Variants in IPO11 observed in about 807,000 individuals in gnomAD.
IPO11 encodes the protein importin-11.
In IPO11, 66 loss-of-function variants were observed where a neutral mutation model predicts 143.2. That is an observed-to-expected ratio of 0.46 (90% CI 0.38 to 0.57). The LOEUF (loss-of-function observed/expected upper bound fraction) is 0.57. Among genes scored for constraint, IPO11 ranks in the 20% least tolerant of loss-of-function variants. The pLI, the probability that IPO11 is intolerant of heterozygous loss-of-function variation, is 0.00. For missense variants in IPO11, 1,026 were observed against 1,141.0 expected (o/e 0.90, Z 1.45); for synonymous variants, 385 against 377.8 (o/e 1.02, Z -0.22).
chr5:62,441,152 G>A (rs1275590118), intron 2 of IPO11, among the ~76,000 whole-genome samples: 1 of 151,972 alleles, frequency 6.6e-6, no homozygotes, highest in African/African-American at 2.4e-5. Flanking sequence ...CTTTTTTTGA[G>A]TAATGGTTAA....
At chr5:62,449,366 A>C (rs1043618937) in intron 3 of IPO11, among the ~76,000 whole-genome samples, 1 of 152,202 alleles carries the variant, frequency 6.6e-6, no homozygotes, top group Admixed American at 6.5e-5. Flanking sequence ...TTAAAATGAA[A>C]GATTTAAGCT....
At chr5:62,605,544 T>C (rs1285047060) in intron 29 of IPO11, among the ~76,000 whole-genome samples, 1 of 152,070 alleles carries the variant, frequency 6.6e-6, no homozygotes, top group East Asian at 1.9e-4. Context: ...ATTAGTAGAA[T>C]AATAATTTTA....
At chr5:62,415,137 T>G (rs1743241428) in intron 1 of IPO11, among the ~76,000 whole-genome samples, 2 of 152,200 alleles carry the variant, frequency 1.3e-5, no homozygotes, top group South Asian at 4.1e-4. Flanking sequence ...CTGCTCCTGT[T>G]TATCATGGTG....
intron 29 of IPO11, among the ~76,000 whole-genome samples, chr5:62,617,264 G>A (rs1470724943): frequency 6.6e-6 from 1 of 152,196 alleles, no homozygotes; most frequent in African/African-American, 2.4e-5. Context: ...ATGACATTTA[G>A]ATTTCAAATA....
At chr5:62,542,115 G>A (rs1742972478) in intron 24 of IPO11, among the ~76,000 whole-genome samples, 1 of 150,318 alleles carries the variant, frequency 6.7e-6, no homozygotes, top group African/African-American at 2.5e-5. Context: ...CGCTCTTGTT[G>A]CCCAGGCTGG....
At chr5:62,476,780 C>T (rs1286539935) in intron 9 of IPO11, 27 bp downstream of exon 9, 6 of 1,481,086 alleles carry the variant, frequency 4.1e-6, no homozygotes, top group Middle Eastern at 1.8e-4. Flanking sequence ...CTTGTTTTCT[C>T]AAATATAATA....
At chr5:62,503,839 T>TG (rs1402503903) in intron 16 of IPO11, among the ~76,000 whole-genome samples, 1 of 152,204 alleles carries the variant, frequency 6.6e-6, no homozygotes, top group Non-Finnish European at 1.5e-5. Flanking sequence ...AACGCTTACT[T>TG]TTTGAAAAAT....
intron 24 of IPO11, among the ~76,000 whole-genome samples, chr5:62,543,831 A>G (rs1400510229): frequency 2.6e-5 from 4 of 152,036 alleles, no homozygotes; most frequent in Admixed American, 2.0e-4. Context: ...TTAGTGCTAT[A>G]AATTTCTGTC....
intron 15 of IPO11, among the ~76,000 whole-genome samples, chr5:62,492,648 A>T (rs1308004391): frequency 6.6e-6 from 1 of 151,870 alleles, no homozygotes; most frequent in Non-Finnish European, 1.5e-5. Flanking sequence ...GGCTCAAGTG[A>T]TCCTCCCACC....
chr5:62,414,764 G>A (rs1161368879), intron 1 of IPO11, among the ~76,000 whole-genome samples: 1 of 152,178 alleles, frequency 6.6e-6, no homozygotes, highest in Admixed American at 6.6e-5. Context: ...TGAAAGGAAT[G>A]TTCAATAAAT....
chr5:62,416,182 C>CTTT (rs869236693), intron 1 of IPO11, among the ~76,000 whole-genome samples: 27 of 123,504 alleles, frequency 2.2e-4, no homozygotes, highest in East Asian at 4.8e-4. Flanking sequence ...TTTTTCTTTT[C>CTTT]TTTTTTTTTT....
At chr5:62,473,764 A>G (rs1008559329) in intron 7 of IPO11, among the ~76,000 whole-genome samples, 1 of 151,878 alleles carries the variant, frequency 6.6e-6, no homozygotes, top group African/African-American at 2.4e-5. Flanking sequence ...TTTTTTCACT[A>G]TTTCTTTATA....
chr5:62,431,798 AG>A (rs1327810407), intron 1 of IPO11, among the ~76,000 whole-genome samples: 1 of 152,068 alleles, frequency 6.6e-6, no homozygotes, highest in Non-Finnish European at 1.5e-5. Context: ...AAAGTTAGCC[AG>A]GCTTGGTGGT....
chr5:62,578,895 T>A, intron 27 of IPO11: 1 of 292,630 alleles, frequency 3.4e-6, no homozygotes, highest in Non-Finnish European at 6.8e-6. Context: ...AAACCTTTAC[T>A]GAATCAGCTG....
intron 24 of IPO11, among the ~76,000 whole-genome samples, chr5:62,549,726 C>G (rs777129466): frequency 1.2e-4 from 18 of 152,176 alleles, no homozygotes; most frequent in Non-Finnish European, 1.9e-4. Context: ...AAACTCCACC[C>G]TGCTTTGAAT....
At chr5:62,547,073 C>T (rs1311171039) in intron 24 of IPO11, among the ~76,000 whole-genome samples, 4 of 152,028 alleles carry the variant, frequency 2.6e-5, no homozygotes, top group South Asian at 2.1e-4. Context: ...CTAACTGTTA[C>T]GATGTTGGTG....
At chr5:62,503,327 CTACTAATA>C (rs1741412145) in intron 16 of IPO11, among the ~76,000 whole-genome samples, 3 of 145,016 alleles carry the variant, frequency 2.1e-5, no homozygotes, top group Admixed American at 1.4e-4. Context: ...TTAATAGTAT[CTACTAATA>C]TATTAATAGT....
At position 62,537,263 on chromosome 5, in the gene IPO11, A is replaced by C. The variant is rs1229572084; in HGVS notation, c.2224A>C (p.Thr742Pro). Residue 742 changes from threonine (T) to proline (P), a missense_variant, in exon 24 of 30, where the codon ACA becomes CCA. By Grantham distance (38) the Thr-to-Pro change is conservative. Coordinates refer to ENST00000325324, the MANE Select transcript of IPO11 (RefSeq NM_016338.5). Reference sequence around the variant, plus strand: ...TTGTGAACTTTTAAAGGAAATTACTACAGAAGGTCAAGTTCAGGTGCTCAA... The same window carrying C: ...TTGTGAACTTTTAAAGGAAATTACTCCAGAAGGTCAAGTTCAGGTGCTCAA... ...SFCELLKEIT[T>P]EGQVQVLKVV... 5 of 1,604,272 alleles carry C rather than the reference A, an allele frequency of 3.1e-6. No individual in the cohort carries two copies. Among genetic ancestry groups the C allele is most frequent in the Non-Finnish European group, 3.4e-6 (4 of 1,172,088 alleles).
intron 5 of IPO11, among the ~76,000 whole-genome samples, chr5:62,458,104 GC>G (rs1397891432): frequency 1.4e-5 from 2 of 139,588 alleles, no homozygotes. Flanking sequence ...CTGAGATCGC[GC>G]CACTGCACTC....
Sources: allele counts gnomAD v4.1 joint callset (sites outside exome capture counted in the v4.1 genomes callset), GRCh38; gene constraint gnomAD v4.1.1; transcripts MANE v1.5; gene names NCBI Gene and HGNC (gene_info 2026-07-23, HGNC 2026-07-21).